Variants in UGT1A8 observed in about 807,000 individuals in gnomAD.
The protein encoded by UGT1A8 is UDP-glucuronosyltransferase 1A8.
Under a neutral mutation model 45.3 loss-of-function variants are expected in UGT1A8, and 39 were observed. That is an observed-to-expected ratio of 0.86 (90% CI 0.67 to 1.12). UGT1A8 has a LOEUF of 1.12. UGT1A8 is among the 50% of genes most tolerant of loss of function. The pLI is 0.00. For missense variants in UGT1A8, 719 were observed against 664.9 expected, an observed-to-expected ratio of 1.08 and a Z score of -0.90; for synonymous variants, 275 against 249.2, an observed-to-expected ratio of 1.10 and a Z score of -0.97.
intron 1 of UGT1A8, among the ~76,000 whole-genome samples, chr2:233,725,586 A>G (rs1194596370): frequency 6.6e-6 from 1 of 152,166 alleles, no homozygotes; most frequent in East Asian, 1.9e-4. Context: ...TTATGACTTA[A>G]CTATTTGACA....
At chr2:233,682,797 G>C (rs375716433) in intron 1 of UGT1A8, 257 of 1,610,126 alleles carry the variant, frequency 1.6e-4, no homozygotes, top group South Asian at 2.3e-4. Flanking sequence ...CCTATGGTAA[G>C]TTATCTCCCC....
chr2:233,664,236 C>T (rs1389617099), intron 1 of UGT1A8, among the ~76,000 whole-genome samples: 1 of 152,160 alleles, frequency 6.6e-6, no homozygotes, highest in East Asian at 1.9e-4. Context: ...TTTAACCAGT[C>T]TCTAAGAAGG....
chr2:233,763,730 G>A (rs559647176), intron 1 of UGT1A8, among the ~76,000 whole-genome samples: 3 of 152,268 alleles, frequency 2.0e-5, no homozygotes, highest in Non-Finnish European at 4.4e-5. Context: ...GCACAACCTG[G>A]CATTGGCGTG....
intron 1 of UGT1A8, chr2:233,636,443 G>A (rs2073291356): frequency 3.3e-6 from 5 of 1,533,406 alleles, no homozygotes; most frequent in Admixed American, 2.1e-5. Flanking sequence ...TTGGGGTCAG[G>A]TTTTGTGCCT....
At chr2:233,709,533 T>C (rs2076081287) in intron 1 of UGT1A8, among the ~76,000 whole-genome samples, 1 of 152,184 alleles carries the variant, frequency 6.6e-6, no homozygotes, top group African/African-American at 2.4e-5. Flanking sequence ...TTTTTCCTAC[T>C]GTGATATATG....
At chr2:233,632,257 G>C (rs184929604) in intron 1 of UGT1A8, among the ~76,000 whole-genome samples, 1 of 152,318 alleles carries the variant, frequency 6.6e-6, no homozygotes, top group East Asian at 1.9e-4. Context: ...ATAATTTGAA[G>C]TCAGGTAGCA....
At chr2:233,721,960 C>T (rs1451442722) in intron 1 of UGT1A8, 10 of 313,544 alleles carry the variant, frequency 3.2e-5, no homozygotes, top group South Asian at 1.1e-4. Context: ...TTTGTATATG[C>T]ATACATTGAT....
chr2:233,763,577 T>C (rs1698349758), intron 1 of UGT1A8, among the ~76,000 whole-genome samples: 1 of 152,236 alleles, frequency 6.6e-6, no homozygotes, highest in African/African-American at 2.4e-5. Context: ...TATTTTCTCT[T>C]TCTTCCTTTG....
chr2:233,685,447 A>G (rs1181994431), intron 1 of UGT1A8, among the ~76,000 whole-genome samples: 1 of 152,220 alleles, frequency 6.6e-6, no homozygotes, highest in African/African-American at 2.4e-5. Flanking sequence ...AGCTGAATCT[A>G]CACCATCTAG....
intron 1 of UGT1A8, chr2:233,729,276 G>A (rs765243640): frequency 3.1e-6 from 5 of 1,614,232 alleles, no homozygotes; most frequent in Admixed American, 3.3e-5. Context: ...TCTTGCGGGA[G>A]CTCCATGCCA....
At chr2:233,761,199 A>G (rs767135825) in intron 1 of UGT1A8, 6 of 1,614,054 alleles carry the variant, frequency 3.7e-6, no homozygotes, top group Admixed American at 1.7e-5. Flanking sequence ...TTTCAGATGT[A>G]TTACTTTGGA....
chr2:233,693,920 C>T (rs2075188666), intron 1 of UGT1A8: 2 of 1,611,066 alleles, frequency 1.2e-6, no homozygotes, highest in Admixed American at 3.3e-5. Flanking sequence ...TCTGTCCTCC[C>T]TCACTCATTT....
intron 1 of UGT1A8, among the ~76,000 whole-genome samples, chr2:233,668,953 G>A (rs994940063): frequency 3.3e-5 from 5 of 152,184 alleles, no homozygotes; most frequent in Non-Finnish European, 7.3e-5. Context: ...TTCTGGTGAG[G>A]TATTCTGTAG....
At chr2:233,693,129 T>A (rs1392316914) in intron 1 of UGT1A8, 1 of 1,614,192 alleles carries the variant, frequency 6.2e-7, no homozygotes, top group East Asian at 2.2e-5. Context: ...TGGCTTAGTA[T>A]GAAGGATATA....
At position 233,626,086 on chromosome 2, in the gene UGT1A8, C is replaced by G. The variant is rs572951728; in HGVS notation, c.855+7524C>G. ...GAGGTAGAGGAGGTGGAAGTGGAGG[C>G]AGGAGAGGCAGGTGCACTTGGTGTA... On this transcript the variant is annotated intron_variant, in intron 1 of 4. Transcript: ENST00000373450. Among the ~76,000 whole-genome samples, 15 of 152,052 alleles carry G rather than the reference C, an allele frequency of 9.9e-5. 1 individual carries two copies. The South Asian group carries it at 2.9e-3, about 30-fold the overall frequency.
chr2:233,691,891 G>C (rs558208124), intron 1 of UGT1A8: 1 of 154,130 alleles, frequency 6.5e-6, no homozygotes, highest in South Asian at 2.1e-4. Context: ...TTGTTTCCTG[G>C]ACACAGCTCC....
At chr2:233,633,394 C>T (rs2125456080) in intron 1 of UGT1A8, among the ~76,000 whole-genome samples, 1 of 152,222 alleles carries the variant, frequency 6.6e-6, no homozygotes, top group East Asian at 1.9e-4. Flanking sequence ...GATACCAGGC[C>T]CTCTTTGTAC....
chr2:233,695,130 C>CTTTCTTTTTTTTTTT (rs1364557158), intron 1 of UGT1A8, among the ~76,000 whole-genome samples: 3 of 138,838 alleles, frequency 2.2e-5, no homozygotes, highest in South Asian at 2.3e-4. Flanking sequence ...CTTTTCTTTT[C>CTTTCTTTTTTTTTTT]TTTTTTTTTT....
chr2:233,636,060 A>G (rs1452735214), intron 1 of UGT1A8, among the ~76,000 whole-genome samples: 1 of 151,002 alleles, frequency 6.6e-6, no homozygotes, highest in East Asian at 1.9e-4. Context: ...GGTCAGTGCT[A>G]AGAGCCTTGC....
Sources: gnomAD v4.1 joint callset for allele counts (sites outside exome capture counted in the v4.1 genomes callset) on GRCh38, gnomAD v4.1.1 for gene constraint, MANE v1.5 for transcripts, NCBI Gene and HGNC (gene_info 2026-07-23, HGNC 2026-07-21) for gene names.